Variants in NDP observed in about 807,000 individuals in gnomAD.
NDP encodes norrin cystine knot growth factor NDP.
A neutral mutation model predicts 8.4 loss-of-function variants in NDP; 2 were observed. The observed-to-expected ratio is 0.24, with a 90% confidence interval of 0.10 to 0.75. The LOEUF (loss-of-function observed/expected upper bound fraction) is 0.75, where lower values mean the gene tolerates loss of function less well. NDP is among the 30% of genes least tolerant of loss of function. The pLI, the probability that NDP is intolerant of heterozygous loss-of-function variation, is 0.73. For synonymous variants in NDP, 55 were observed against 45.6 expected, an observed-to-expected ratio of 1.21 and a Z score of -0.83; for missense variants, 81 against 110.1, an observed-to-expected ratio of 0.74 and a Z score of 1.18.
rs375172007 is a variant in NDP at position 43,960,502 on chromosome X, C to T, written c.-207-1650G>A. Among the ~76,000 whole-genome samples the T allele has an allele frequency of 1.5e-3, 168 of 112,334 alleles. 4 individuals carry two copies. In the South Asian group the frequency reaches 0.06, roughly 40 times the overall value. ...AACATCTCATTGAAATAAATCAAAC[C>T]TGTGCCCAAAGTTTCAAATCTGCAA... On this transcript the variant is annotated intron_variant, in intron 1 of 2. Coordinates refer to ENST00000642620, the MANE Select transcript of NDP (RefSeq NM_000266.4).
chrX:43,958,594 T>C lies in NDP; in HGVS notation c.52A>G (p.Ile18Val). 1 of 1,211,454 alleles carries C rather than the reference T, an allele frequency of 8.3e-7. No homozygotes were observed. Among genetic ancestry groups the C allele is most frequent in the Non-Finnish European group, 1.1e-6 (1 of 894,988 alleles). The change falls in exon 2 of 3, where the codon ATA (isoleucine) becomes GTA (valine). Residue 18 changes from isoleucine (I) to valine (V), a missense_variant. By Grantham distance (29) the Ile-to-Val change is conservative. Transcript: ENST00000642620. ...GTTTTACTGTCTGTATCTCCCATTA[T>C]CACCAGCAGGGAGAGCATAGAAAAG... ...ASFSMLSLLVIMGDTDSKTDS... is the reference protein window; with the variant it reads ...ASFSMLSLLVVMGDTDSKTDS...
At chrX:43,958,419 C>T in intron 2 of NDP, 53 bp downstream of exon 2, 1 of 1,169,286 alleles carries the variant, frequency 8.6e-7, no homozygotes, top group Non-Finnish European at 1.2e-6. Context: ...AGAAATATGG[C>T]TTCTTGCCTG....
intron 2 of NDP, among the ~76,000 whole-genome samples, chrX:43,957,357 G>C (rs1449919099): frequency 9.0e-6 from 1 of 110,571 alleles, no homozygotes; most frequent in Admixed American, 9.7e-5. Context: ...GGTTCTACAA[G>C]CACAAATAAG....
Position 43,950,693 on chromosome X carries a change from T to A in NDP, c.175-667A>T, listed in dbSNP as rs145306319. On this transcript the variant is annotated intron_variant, in intron 2 of 2. Coordinates refer to ENST00000642620, the MANE Select transcript of NDP (RefSeq NM_000266.4). ...TGGGATTTATGTAATTGCATCCGCATCTTCAGAGTCATTTGCGGCAAATAT... is the reference window on the plus strand; with the variant it reads ...TGGGATTTATGTAATTGCATCCGCAACTTCAGAGTCATTTGCGGCAAATAT... 8.7e-3 allele frequency among the ~76,000 whole-genome samples: 971 copies of A among 111,424 alleles called. 4 individuals carry two copies. The highest frequency in any genetic ancestry group is 0.019 in the South Asian group (49 of 2,635).
At position 43,949,746 on chromosome X, in the gene NDP, G is replaced by T. The variant is rs1430065074; in HGVS notation, c.*53C>A. 5.4e-6 allele frequency: 6 copies of T among 1,102,799 alleles called. No individual in the cohort carries two copies. The East Asian group carries it at 1.6e-4, about 30-fold the overall frequency. 90.9% of individuals were successfully genotyped at this position (1,102,799 alleles called of 1,213,427 possible). A position where few individuals can be genotyped will look rare whatever the true frequency, so the allele number is the denominator to read the frequency against. On this transcript the variant is annotated 3_prime_UTR_variant, in exon 3 of 3. Transcript: ENST00000642620. The stretch of plus-strand genomic sequence containing the variant: ...TTTCTTGCCAGTCTTTCCCTGGCTG[G>T]TCGAACTGCCTCTACAGTTGTCCCA...
At chrX:43,950,458 CAAAA>C (rs11292831) in intron 2 of NDP, among the ~76,000 whole-genome samples, 1,038 of 59,269 alleles carry the variant, frequency 0.018, 16 homozygotes, top group African/African-American at 0.062. Context: ...AAATGACTAC[CAAAA>C]AAAAAAAAAA....
At chrX:43,962,922 C>G (rs947763191) in intron 1 of NDP, among the ~76,000 whole-genome samples, 5 of 112,206 alleles carry the variant, frequency 4.5e-5, no homozygotes, top group South Asian at 3.7e-4. Context: ...GAGCTTACAG[C>G]GGGCCCAGCC....
chrX:43,958,406 C>G, intron 2 of NDP, 66 bp downstream of exon 2: 1 of 1,154,765 alleles, frequency 8.7e-7, no homozygotes, highest in Middle Eastern at 2.5e-4. Flanking sequence ...CATCCCCTGA[C>G]AAAGAAATAT....
At chrX:43,958,882 A>G (rs2035810862) in intron 1 of NDP, 30 bp from the exon 2 acceptor site, 1 of 396,139 alleles carries the variant, frequency 2.5e-6, no homozygotes, top group African/African-American at 2.5e-5. Flanking sequence ...TACTTTCCCC[A>G]GAATTATTTA....
chrX:43,955,248 C>T (rs774111714), intron 2 of NDP, among the ~76,000 whole-genome samples: 1 of 112,178 alleles, frequency 8.9e-6, no homozygotes, highest in Non-Finnish European at 1.9e-5. Context: ...TAAACACCTG[C>T]TTAGTTTATA....
intron 1 of NDP, among the ~76,000 whole-genome samples, chrX:43,961,139 A>G (rs2035824000): frequency 8.9e-6 from 1 of 112,883 alleles, no homozygotes. Flanking sequence ...TCAACCAATC[A>G]GATTTACAAA....
At chrX:43,956,371 C>G (rs1360644199) in intron 2 of NDP, among the ~76,000 whole-genome samples, 1 of 111,136 alleles carries the variant, frequency 9.0e-6, no homozygotes, top group Non-Finnish European at 1.9e-5. Flanking sequence ...TTTATAGAGA[C>G]AAAAAAATCT....
intron 1 of NDP, among the ~76,000 whole-genome samples, chrX:43,969,134 A>G (rs1181049367): frequency 9.0e-6 from 1 of 110,887 alleles, no homozygotes; most frequent in Non-Finnish European, 1.9e-5. Context: ...CATCAACGAA[A>G]CTGTTGTTCT....
rs1452301092 is a variant in NDP, at chrX:43,958,367, C to G, written c.174+105G>C. The G allele has an allele frequency of 5.5e-5, 54 of 989,630 alleles. No individual in the cohort carries two copies. The East Asian group carries it at 1.7e-3, about 30-fold the overall frequency. 81.6% of individuals were successfully genotyped at this position (989,630 alleles called of 1,213,427 possible). A position where few individuals can be genotyped will look rare whatever the true frequency, so the allele number is the denominator to read the frequency against. The stretch of plus-strand genomic sequence containing the variant: ...CAAGCCCTGTGGGCCAGCCACATCA[C>G]TTAAGTTTGGGCTATGATCTTAGTT... On this transcript the variant is annotated intron_variant, in intron 2 of 2. Transcript: ENST00000642620.
At chrX:43,971,924 T>C (rs968733692) in intron 1 of NDP, among the ~76,000 whole-genome samples, 2 of 111,870 alleles carry the variant, frequency 1.8e-5, no homozygotes, top group Admixed American at 9.5e-5. Context: ...CTTGAATTAG[T>C]AAGACTGATG....
rs1360531163 is a variant in NDP, at chrX:43,949,521, A to G, written c.*278T>C. 8.1e-6 allele frequency: 3 copies of G among 369,210 alleles called. No homozygotes were observed. The highest frequency in any genetic ancestry group is 2.5e-5 in the African/African-American group (1 of 39,695). 30.4% of individuals were successfully genotyped at this position (369,210 alleles called of 1,213,427 possible). ...TTCCCACTAATGCTGAATTGTTGGA[A>G]ACCCAAACAGCATTGAGAGCCAAGG... On this transcript the variant is annotated 3_prime_UTR_variant, in exon 3 of 3. Coordinates refer to ENST00000642620, the MANE Select transcript of NDP (RefSeq NM_000266.4).
intron 1 of NDP, among the ~76,000 whole-genome samples, chrX:43,970,565 G>T (rs1169268557): frequency 9.0e-6 from 1 of 111,262 alleles, no homozygotes; most frequent in Non-Finnish European, 1.9e-5. Flanking sequence ...CACCATACTG[G>T]GTTATTTGAA....
chrX:43,961,878 G>A (rs1469515176), intron 1 of NDP, among the ~76,000 whole-genome samples: 1 of 111,577 alleles, frequency 9.0e-6, no homozygotes, highest in Non-Finnish European at 1.9e-5. Context: ...CCACCTAGTA[G>A]CACCATCCTG....
At chrX:43,968,012 T>C (rs1390403256) in intron 1 of NDP, among the ~76,000 whole-genome samples, 7 of 111,814 alleles carry the variant, frequency 6.3e-5, no homozygotes, top group Non-Finnish European at 1.3e-4. Context: ...TTAAAGCTAC[T>C]AGTCAATGTT....
Sources: gnomAD v4.1 joint callset for allele counts (sites outside exome capture counted in the v4.1 genomes callset) on GRCh38, gnomAD v4.1.1 for gene constraint, MANE v1.5 for transcripts, NCBI Gene and HGNC (gene_info 2026-07-23, HGNC 2026-07-21) for gene names.